Variants in SOX6 observed in about 807,000 individuals in gnomAD.
SOX6 encodes the protein transcription factor SOX-6.
Under a neutral mutation model 97.8 loss-of-function variants are expected in SOX6, and 11 were observed. The ratio of observed to expected loss-of-function variants is 0.11; its 90% confidence interval spans 0.07 to 0.19. The LOEUF is 0.19. Ranked by LOEUF, SOX6 falls within the 10% of genes least tolerant of loss-of-function variation. The pLI is 1.00. For missense variants in SOX6, 810 were observed against 1,039.5 expected, an observed-to-expected ratio of 0.78 and a Z score of 3.04; for synonymous variants, 360 against 371.4, an observed-to-expected ratio of 0.97 and a Z score of 0.35.
At chr11:16,256,513 A>C (rs555935630) in intron 3 of SOX6, among the ~76,000 whole-genome samples, 1 of 151,988 alleles carries the variant, frequency 6.6e-6, no homozygotes, top group Non-Finnish European at 1.5e-5. Context: ...TTCATGGTTT[A>C]AAAAAGAACT....
rs368846210 is a variant in SOX6, at chr11:15,969,792, C to T, written c.*3017G>A. On this transcript the variant is annotated 3_prime_UTR_variant, in exon 16 of 16. Coordinates refer to ENST00000683767, the MANE Select transcript of SOX6 (RefSeq NM_001367873.1). Reference sequence around the variant, plus strand: ...CACTGAAAATAAAATGAATTGATCCCTATGATTGTCATTCTTAATTTCCAT... The same window carrying T: ...CACTGAAAATAAAATGAATTGATCCTTATGATTGTCATTCTTAATTTCCAT... 1.3e-5 allele frequency: 2 copies of T among 152,154 alleles called. No homozygotes were observed. The highest frequency in any genetic ancestry group is 3.8e-4 in the East Asian group (2 of 5,200). The allele number at this position is 152,154 out of a possible 1,614,324, so 9.4% of individuals were successfully genotyped here. A position where few individuals can be genotyped will look rare whatever the true frequency, so the allele number is the denominator to read the frequency against.
chr11:16,427,028 A>G (rs1348628874), intron 1 of SOX6, among the ~76,000 whole-genome samples: 1 of 152,112 alleles, frequency 6.6e-6, no homozygotes, highest in East Asian at 1.9e-4. Context: ...ATCCTGGAAG[A>G]CAACCTAGGC....
chr11:16,629,191 CTT>C (rs1438125745), intron 3 of SOX6, among the ~76,000 whole-genome samples: 3 of 152,118 alleles, frequency 2.0e-5, no homozygotes, highest in Admixed American at 6.5e-5. Context: ...AAGGGGAATG[CTT>C]TTAGTTTTTG....
intron 3 of SOX6, chr11:16,314,403 T>C (rs1215709007): frequency 6.6e-6 from 1 of 152,204 alleles, no homozygotes. Context: ...TTTTTCTATC[T>C]AGTAAATTCC....
At chr11:16,311,970 T>C (rs1391235402) in intron 3 of SOX6, 1 of 152,206 alleles carries the variant, frequency 6.6e-6, no homozygotes, top group Non-Finnish European at 1.5e-5. Flanking sequence ...ATGCTCATTC[T>C]TGTGCTGGGA....
At chr11:15,995,807 T>C (rs371326614) in intron 13 of SOX6, among the ~76,000 whole-genome samples, 2 of 152,174 alleles carry the variant, frequency 1.3e-5, no homozygotes, top group South Asian at 2.1e-4. Flanking sequence ...CAATGAAGAC[T>C]AGTAGACTAT....
intron 12 of SOX6, among the ~76,000 whole-genome samples, chr11:16,034,662 A>G (rs1855470740): frequency 6.6e-6 from 1 of 152,216 alleles, no homozygotes; most frequent in African/African-American, 2.4e-5. Context: ...GTAATACCCA[A>G]CACCACAAAG....
At chr11:16,631,263 C>T (rs1022435837) in intron 3 of SOX6, among the ~76,000 whole-genome samples, 2 of 152,098 alleles carry the variant, frequency 1.3e-5, no homozygotes, top group Non-Finnish European at 2.9e-5. Context: ...AAGGATCTCC[C>T]GTAAGGTTGG....
chr11:16,464,095 G>T (rs1189077930), intron 1 of SOX6, among the ~76,000 whole-genome samples: 1 of 152,140 alleles, frequency 6.6e-6, no homozygotes, highest in African/African-American at 2.4e-5. Flanking sequence ...CTCCTTTTAA[G>T]ATCAAGATTA....
rs549625222 is a variant in SOX6, at chr11:16,325,656, G to A, written c.238-7003C>T. Among the ~76,000 whole-genome samples the A allele has an allele frequency of 5.9e-5, 9 of 152,084 alleles. No homozygotes were observed. In the South Asian group the frequency reaches 1.9e-3, roughly 32 times the overall value. ...TTCCTTGGCATTTCTACAGTTGCAG[G>A]ATCTCAAATATTATTTCTAATAAAT... On this transcript the variant is annotated intron_variant, in intron 2 of 15. Transcript: ENST00000683767.
At chr11:16,483,352 T>G (rs1337257868) in intron 4 of SOX6, among the ~76,000 whole-genome samples, 1 of 152,174 alleles carries the variant, frequency 6.6e-6, no homozygotes, top group Non-Finnish European at 1.5e-5. Flanking sequence ...AAATCTTTTT[T>G]TTTTCAAGTT....
At chr11:16,099,325 G>T (rs970702103) in intron 7 of SOX6, among the ~76,000 whole-genome samples, 1 of 151,590 alleles carries the variant, frequency 6.6e-6, no homozygotes, top group Admixed American at 6.6e-5. Context: ...TGATCTTCTT[G>T]ATATTTAAAC....
upstream of SOX6, among the ~76,000 whole-genome samples, chr11:16,361,241 C>G (rs968667138): frequency 1.3e-5 from 2 of 152,142 alleles, no homozygotes; most frequent in South Asian, 4.1e-4. Context: ...CATGCAGTCT[C>G]ACTTCAGGGT....
At chr11:16,660,789 T>A (rs1245802608) in intron 3 of SOX6, among the ~76,000 whole-genome samples, 1 of 152,158 alleles carries the variant, frequency 6.6e-6, no homozygotes, top group African/African-American at 2.4e-5. Context: ...ATAGAGAAGG[T>A]GCCATGTATG....
intron 4 of SOX6, among the ~76,000 whole-genome samples, chr11:16,525,235 T>C (rs1346498719): frequency 6.6e-6 from 1 of 152,034 alleles, no homozygotes; most frequent in East Asian, 1.9e-4. Flanking sequence ...CAAACTATAC[T>C]ACAAGGCTAC....
At chr11:16,565,441 G>A (rs1407692862) in intron 4 of SOX6, among the ~76,000 whole-genome samples, 2 of 151,498 alleles carry the variant, frequency 1.3e-5, no homozygotes, top group Non-Finnish European at 1.5e-5. Context: ...TTTGTTTTAC[G>A]AAGCTAGTAT....
At chr11:16,548,418 T>C (rs985257713) in intron 4 of SOX6, among the ~76,000 whole-genome samples, 2 of 152,116 alleles carry the variant, frequency 1.3e-5, no homozygotes, top group African/African-American at 4.8e-5. Flanking sequence ...TCGTGAATAA[T>C]TGGAGCTCCA....
intron 4 of SOX6, among the ~76,000 whole-genome samples, chr11:16,500,993 C>T (rs1386040837): frequency 6.6e-6 from 1 of 152,188 alleles, no homozygotes; most frequent in African/African-American, 2.4e-5. Flanking sequence ...AAAGAGCCCA[C>T]ATTGCCAAGT....
rs1010386939 is a variant in SOX6 at position 16,229,787 on chromosome 11, G to A, written c.535+4795C>T. Among the ~76,000 whole-genome samples, 17 of 151,742 alleles carry A rather than the reference G, an allele frequency of 1.1e-4. No individual in the cohort carries two copies. The East Asian group carries it at 3.3e-3, about 29-fold the overall frequency. On this transcript the variant is annotated intron_variant, in intron 4 of 15. Coordinates refer to ENST00000683767, the MANE Select transcript of SOX6 (RefSeq NM_001367873.1). ...AAGAAATCTCCAAAGAAAATTCTAG[G>A]CCTAGATGTTTTATGAGAATATTTT...
Sources: gnomAD v4.1 joint callset for allele counts (sites outside exome capture counted in the v4.1 genomes callset) on GRCh38, gnomAD v4.1.1 for gene constraint, MANE v1.5 for transcripts, NCBI Gene and HGNC (gene_info 2026-07-23, HGNC 2026-07-21) for gene names.